RIC3: variants seen among roughly 807,000 people sequenced by gnomAD.
The protein encoded by RIC3 is protein RIC-3.
A neutral mutation model predicts 27.3 loss-of-function variants in RIC3; 28 were observed. That is an observed-to-expected ratio of 1.02 (90% CI 0.76 to 1.41). The LOEUF is 1.41. RIC3 is among the 40% of genes most tolerant of loss of function. The pLI is 0.00. For synonymous variants in RIC3, 184 were observed against 160.4 expected (o/e 1.15, Z -1.11); for missense variants, 501 against 444.7 (o/e 1.13, Z -1.14).
chr11:8,118,095 C>T (rs990554274), intron 5 of RIC3, among the ~76,000 whole-genome samples: 1 of 151,630 alleles, frequency 6.6e-6, no homozygotes, highest in Non-Finnish European at 1.5e-5. Context: ...TGGTGGCAGG[C>T]GCCTGTAGTC....
At chr11:8,139,899 T>G (rs1192874742) in intron 2 of RIC3, 68 bp downstream of exon 2, 1 of 1,381,294 alleles carries the variant, frequency 7.2e-7, no homozygotes, top group South Asian at 1.3e-5. Flanking sequence ...AGTTTTAATG[T>G]AGACAATGAT....
intron 5 of RIC3, among the ~76,000 whole-genome samples, chr11:8,111,520 A>G (rs1168468207): frequency 2.0e-5 from 3 of 152,206 alleles, no homozygotes; most frequent in East Asian, 1.9e-4. Context: ...AATGTTTATA[A>G]TTTCTATTTG....
At position 8,126,671 on chromosome 11, in the gene RIC3, C is replaced by A. The variant is rs1212827447; in HGVS notation, c.658G>T (p.Glu220Ter). 6.2e-7 allele frequency: 1 copy of A among 1,614,126 alleles called. No individual in the cohort carries two copies. The highest frequency in any genetic ancestry group is 8.5e-7 in the Non-Finnish European group (1 of 1,179,998). The change falls in exon 5 of 6, where the codon GAG (glutamate) becomes TAG (stop). Residue 220 changes from glutamate (E) to a stop codon, truncating the protein, a stop_gained. Transcript: ENST00000309737. LOFTEE classifies it high-confidence loss of function. The part of the protein sequence containing the change: ...EKEAEEAPYM[E>*]DWEGYPEETY... ...AGACACTGTTTACCTTCCCAGTCCT[C>A]CATGTAAGGGGCCTCCTCAGCTTCT...
intron 4 of RIC3, among the ~76,000 whole-genome samples, chr11:8,131,096 G>GCATT (rs200264997): frequency 6.5e-5 from 9 of 138,886 alleles, no homozygotes; most frequent in East Asian, 4.3e-4. Flanking sequence ...TCAAAAATAG[G>GCATT]CATTCATTCA....
downstream of RIC3, chr11:8,105,089 GC>G (rs1485839457): frequency 6.6e-6 from 1 of 152,244 alleles, no homozygotes; most frequent in Non-Finnish European, 1.5e-5. Flanking sequence ...GAGGGGAGAT[GC>G]TGGGATAGCC....
chr11:8,141,515 C>A (rs1485582263), intron 1 of RIC3, among the ~76,000 whole-genome samples: 16 of 151,796 alleles, frequency 1.1e-4, no homozygotes, highest in Non-Finnish European at 1.6e-4. Context: ...CAGGAGCACC[C>A]AGATTCATAA....
intron 1 of RIC3, among the ~76,000 whole-genome samples, chr11:8,152,166 G>A (rs1481464150): frequency 2.0e-5 from 3 of 152,170 alleles, no homozygotes; most frequent in Non-Finnish European, 2.9e-5. Flanking sequence ...AAATGGTGCA[G>A]CTGCTTTGGA....
chr11:8,095,501 C>T, the RIC3 span: 8 of 1,608,376 alleles, frequency 5.0e-6, no homozygotes, highest in East Asian at 1.6e-4. Flanking sequence ...CCTGCAGGCA[C>T]CAGCGGGCCA....
At chr11:8,168,806 A>G (rs1952000217) in intron 1 of RIC3, 60 bp downstream of exon 1, 2 of 1,562,516 alleles carry the variant, frequency 1.3e-6, no homozygotes, top group African/African-American at 1.4e-5. Context: ...CCCTCCCTCA[A>G]GCAGCGTTCT....
downstream of RIC3, chr11:8,105,333 T>C (rs1268493368): frequency 6.6e-6 from 1 of 152,146 alleles, no homozygotes; most frequent in South Asian, 2.1e-4. Context: ...GGGCCCAGAG[T>C]TGGGACTCTA....
chr11:8,104,604 A>G (rs1590016663), downstream of RIC3: 1 of 152,206 alleles, frequency 6.6e-6, no homozygotes, highest in South Asian at 2.1e-4. Flanking sequence ...AACAGAAGGT[A>G]TACCTGGGAA....
intron 1 of RIC3, 75 bp from the exon 2 acceptor site, chr11:8,140,268 A>C: frequency 1.5e-6 from 2 of 1,352,646 alleles, no homozygotes; most frequent in East Asian, 4.9e-5. Flanking sequence ...CAAATCATTA[A>C]GGTATAAAAG....
intron 1 of RIC3, among the ~76,000 whole-genome samples, chr11:8,161,453 A>G (rs1160152968): frequency 2.6e-5 from 4 of 152,248 alleles, no homozygotes; most frequent in East Asian, 1.9e-4. Context: ...TCACTTTCCC[A>G]TTCTATTTTA....
intron 1 of RIC3, among the ~76,000 whole-genome samples, chr11:8,149,803 C>T (rs988283732): frequency 6.6e-6 from 1 of 152,120 alleles, no homozygotes; most frequent in Non-Finnish European, 1.5e-5. Context: ...CACGATTAGC[C>T]TTTCTTCTCT....
chr11:8,098,278 G>A, the RIC3 span, among the ~76,000 whole-genome samples: 2 of 152,146 alleles, frequency 1.3e-5, no homozygotes, highest in African/African-American at 2.4e-5. Flanking sequence ...GGGAGGTAGG[G>A]TTTGCTGAGG....
chr11:8,137,751 C>G (rs567789447), intron 3 of RIC3, among the ~76,000 whole-genome samples: 5 of 152,342 alleles, frequency 3.3e-5, no homozygotes, highest in Admixed American at 1.3e-4. Flanking sequence ...TTTGCCAAGT[C>G]TCTTACTTGC....
intron 1 of RIC3, among the ~76,000 whole-genome samples, chr11:8,166,848 C>T (rs1330638109): frequency 6.6e-6 from 1 of 151,628 alleles, no homozygotes; most frequent in African/African-American, 2.4e-5. Flanking sequence ...TGACTCTGCA[C>T]TCCAGCCTGG....
intron 1 of RIC3, among the ~76,000 whole-genome samples, chr11:8,158,422 A>G (rs1950869233): frequency 6.6e-6 from 1 of 152,054 alleles, no homozygotes; most frequent in Admixed American, 6.5e-5. Context: ...GAAGTAGTAG[A>G]TAGGACTCTC....
chr11:8,113,010 ACTGTC>A (rs1183810301), intron 5 of RIC3, among the ~76,000 whole-genome samples: 3 of 152,238 alleles, frequency 2.0e-5, no homozygotes, highest in Non-Finnish European at 2.9e-5. Flanking sequence ...TGATATAAAG[ACTGTC>A]CATCTTATGA....
Sources: allele counts gnomAD v4.1 joint callset (sites outside exome capture counted in the v4.1 genomes callset), GRCh38; gene constraint gnomAD v4.1.1; transcripts MANE v1.5; gene names NCBI Gene and HGNC (gene_info 2026-07-23, HGNC 2026-07-21).